FBN3: variants seen among roughly 807,000 people sequenced by gnomAD.
The protein encoded by FBN3 is fibrillin-3.
A neutral mutation model predicts 330.1 loss-of-function variants in FBN3; 234 were observed. The observed-to-expected ratio is 0.71, with a 90% CI of 0.64 to 0.79. The LOEUF (loss-of-function observed/expected upper bound fraction) is 0.79. Among genes scored for constraint, FBN3 ranks in the 30% least tolerant of loss-of-function variants. The pLI is 0.00. For missense variants in FBN3, 3,606 were observed against 3,886.9 expected, an observed-to-expected ratio of 0.93 and a Z score of 1.92; for synonymous variants, 1,458 against 1,517.3, an observed-to-expected ratio of 0.96 and a Z score of 0.91.
At chr19:8,102,052 C>T (rs8104354) in intron 40 of FBN3, among the ~76,000 whole-genome samples, 38,787 of 151,886 alleles carry the variant, frequency 0.26, 5,603 homozygotes, top group East Asian at 0.5. Flanking sequence ...GAATAAATCT[C>T]GTGAGATCTG....
In FBN3 at chr19:8,085,457, G is replaced by C; in HGVS notation, c.6993C>G (p.Gly2331=). The change falls in exon 56 of 64, where the codon GGC becomes GGG. Residue 2331 remains glycine, a synonymous_variant. Coordinates refer to ENST00000600128, the MANE Select transcript of FBN3 (RefSeq NM_032447.5). ...RAECCCGGGR[G]WGPRCELCPL... ...GACAGAGCTCGCAGCGGGGCCCCCAGCCCCGGCCACCCCCACAGCAGCACT... is the reference window on the plus strand; with the variant it reads ...GACAGAGCTCGCAGCGGGGCCCCCACCCCCGGCCACCCCCACAGCAGCACT... The C allele has an allele frequency of 6.3e-7, 1 of 1,577,944 alleles. No homozygotes were observed. The highest frequency in any genetic ancestry group is 8.6e-7 in the Non-Finnish European group (1 of 1,163,112).
At chr19:8,078,983 G>A (rs559061802) in intron 59 of FBN3, among the ~76,000 whole-genome samples, 141 of 152,088 alleles carry the variant, frequency 9.3e-4, no homozygotes, top group African/African-American at 3.3e-3. Context: ...GTCTTGCCAT[G>A]TTGCCTGGGC....
intron 22 of FBN3, 84 bp from the exon 23 acceptor site, chr19:8,124,092 C>A (rs77056685): frequency 8.3e-7 from 1 of 1,197,956 alleles, no homozygotes; most frequent in Non-Finnish European, 1.2e-6. Flanking sequence ...TCACTCCCAT[C>A]GGAAACTTTC....
rs2082207820 is a variant in FBN3 at position 8,096,341 on chromosome 19, C to T, written c.5539+103G>A. Reference sequence around the variant, plus strand: ...TTAATCTCAGGACCCAAACTTGGATCTCTTTGTGAACTAGGATGGACAGAA... The same window carrying T: ...TTAATCTCAGGACCCAAACTTGGATTTCTTTGTGAACTAGGATGGACAGAA... On this transcript the variant is annotated intron_variant, in intron 44 of 63. Coordinates refer to ENST00000600128, the MANE Select transcript of FBN3 (RefSeq NM_032447.5). This position sits in a 1 kb window ranked among gnomAD's most constrained non-coding sequence, Gnocchi z 4.6. 2 of 1,410,126 alleles carry T rather than the reference C, an allele frequency of 1.4e-6. No individual in the cohort carries two copies. The highest frequency in any genetic ancestry group is 1.9e-6 in the Non-Finnish European group (2 of 1,046,480). The allele number at this position is 1,410,126 out of a possible 1,614,324, so 87.4% of individuals were successfully genotyped here.
chr19:8,107,161 GTAGA>G (rs145906232), intron 37 of FBN3, among the ~76,000 whole-genome samples: 11,470 of 147,144 alleles, frequency 0.078, 580 homozygotes, highest in Middle Eastern at 0.12. Context: ...GGATGAATGG[GTAGA>G]TAAAGGATAG....
chr19:8,067,123 C>CTTTTTTT (rs997965759), intron 63 of FBN3, among the ~76,000 whole-genome samples: 1 of 147,424 alleles, frequency 6.8e-6, no homozygotes, highest in African/African-American at 2.5e-5. Context: ...GTTTCTTCTT[C>CTTTTTTT]TTTTTCTTTT....
intron 5 of FBN3, 110 bp downstream of exon 5, chr19:8,145,733 C>T: frequency 1.4e-6 from 1 of 714,058 alleles, no homozygotes; most frequent in Non-Finnish European, 2.3e-6. Context: ...CCTGCAATCT[C>T]CAGTCCAGGA....
intron 32 of FBN3, among the ~76,000 whole-genome samples, 163 bp downstream of exon 32, chr19:8,111,485 G>C (rs528992684): frequency 1.3e-5 from 2 of 152,228 alleles, no homozygotes; most frequent in East Asian, 1.9e-4. Flanking sequence ...CCGTGGGCAG[G>C]CCGCAGCACC....
At position 8,119,107 on chromosome 19, in the gene FBN3, G is replaced by A. The variant is rs368667981; in HGVS notation, c.3212-85C>T. 2.1e-4 allele frequency: 307 copies of A among 1,449,896 alleles called. 1 individual carries two copies. The highest frequency in any genetic ancestry group is 4.0e-4 in the South Asian group (30 of 75,428). 89.8% of individuals were successfully genotyped at this position (1,449,896 alleles called of 1,614,324 possible). A position where few individuals can be genotyped will look rare whatever the true frequency, so the allele number is the denominator to read the frequency against. ...ATGAGGCTCATGCTGGCTTCTCTCC[G>A]CCACCTCCCCAGCCCCCTTCACCCC... is the stretch of plus-strand genomic sequence containing the variant. On this transcript the variant is annotated intron_variant, in intron 25 of 63. Transcript: ENST00000600128.
chr19:8,081,288 C>T, intron 58 of FBN3, 70 bp downstream of exon 58: 1 of 1,546,800 alleles, frequency 6.5e-7, no homozygotes, highest in Non-Finnish European at 8.7e-7. Flanking sequence ...GGGGACATGT[C>T]TTGGGCATCC....
At chr19:8,100,528 C>T (rs758315801) in intron 41 of FBN3, among the ~76,000 whole-genome samples, 2 of 151,906 alleles carry the variant, frequency 1.3e-5, no homozygotes, top group East Asian at 1.9e-4. Context: ...AGTAGAGACA[C>T]GGTTTCACCA....
Position 8,096,881 on chromosome 19 carries a change from C to A in FBN3, c.5413G>T (p.Gly1805Ter). 10 of 1,612,910 alleles carry A rather than the reference C, an allele frequency of 6.2e-6. No homozygotes were observed. The highest frequency in any genetic ancestry group is 8.5e-6 in the Non-Finnish European group (10 of 1,179,950). Residue 1805 changes from glycine (G) to a stop codon, truncating the protein, a stop_gained and splice_region_variant, in exon 43 of 64, where the codon GGA becomes TGA. Coordinates refer to ENST00000600128, the MANE Select transcript of FBN3 (RefSeq NM_032447.5). LOFTEE classifies it high-confidence loss of function. This position sits in a 1 kb window ranked among gnomAD's most constrained non-coding sequence, Gnocchi z 4.6. Reference protein sequence around the residue: ...YKLSPGGACVGRNECREIPNV... With the variant: ...YKLSPGGACV ...ACCTCCTCCCAGGGACCCTGCTCAC[C>A]CACACAAGCCCCGCCTGGCGACAGT...
In FBN3 at chr19:8,117,171, G is replaced by T; in HGVS notation, c.3584C>A (p.Ala1195Glu). 1 of 1,614,020 alleles carries T rather than the reference G, an allele frequency of 6.2e-7. No individual in the cohort carries two copies. The highest frequency in any genetic ancestry group is 1.3e-5 in the African/African-American group (1 of 75,028). Residue 1195 changes from alanine to glutamate, a missense_variant and splice_region_variant, in exon 28 of 64, where the codon GCA becomes GAA. Coordinates refer to ENST00000600128, the MANE Select transcript of FBN3 (RefSeq NM_032447.5). ...GGGAAGAAGTTGTGCCCACCTACCT[G>T]CACATGCCCTTCCGTCGGGCATCAG... ...YSLMPDGRAC[A>E]DVDECEENPR...
At chr19:8,141,511 C>T (rs74991001) in intron 8 of FBN3, among the ~76,000 whole-genome samples, 3 of 152,110 alleles carry the variant, frequency 2.0e-5, no homozygotes, top group Non-Finnish European at 2.9e-5. Context: ...CAGGTGCACA[C>T]GTAGCTCCCG....
chr19:8,143,243 G>A (rs966775972), intron 6 of FBN3, among the ~76,000 whole-genome samples: 4 of 152,058 alleles, frequency 2.6e-5, no homozygotes, highest in African/African-American at 9.7e-5. Context: ...CCCATGGATG[G>A]GGCAGCCCAC....
intron 53 of FBN3, 36 bp from the exon 54 acceptor site, chr19:8,087,247 CA>C: frequency 6.5e-7 from 1 of 1,540,890 alleles, no homozygotes; most frequent in Non-Finnish European, 8.7e-7. Flanking sequence ...CAGTCAAGGC[CA>C]GGCACCCTAT....
intron 24 of FBN3, among the ~76,000 whole-genome samples, 159 bp downstream of exon 24, chr19:8,123,305 G>A (rs2082897451): frequency 6.6e-6 from 1 of 151,836 alleles, no homozygotes; most frequent in South Asian, 2.1e-4. Flanking sequence ...AGTGAGCCGA[G>A]ATCGTGCCAT....
chr19:8,149,134 G>A lies in FBN3; in HGVS notation c.-18+315C>T, dbSNP rs1327355629. On this transcript the variant is annotated intron_variant, in intron 1 of 63. Transcript: ENST00000600128. The surrounding 1 kb of genome is among the most constrained non-coding windows in gnomAD (Gnocchi z 5.5). ...CAAGCTTCGCCGACGGGGAGGGGGC[G>A]CCCCCGGAGCCCGCGGGGCGCGATC... 6.6e-6 allele frequency among the ~76,000 whole-genome samples: 1 copy of A among 151,846 alleles called. No homozygotes were observed. Among genetic ancestry groups the A allele is most frequent in the Non-Finnish European group, 1.5e-5 (1 of 67,900 alleles).
Position 8,087,598 on chromosome 19 carries a change from A to ATTT in FBN3, c.6619+224_6619+226dup, listed in dbSNP as rs35631767. Among the ~76,000 whole-genome samples the ATTT allele has an allele frequency of 7.2e-3, 545 of 75,438 alleles. 2 individuals are homozygous for ATTT. Among genetic ancestry groups the ATTT allele is most frequent in the East Asian group, 0.011 (28 of 2,558 alleles). The allele number at this position is 75,438 out of a possible 152,430, so 49.5% of individuals were successfully genotyped here. A position where few individuals can be genotyped will look rare whatever the true frequency, so the allele number is the denominator to read the frequency against. ...GCGGCTGTTCTGTGTGCATTGCAGG[A>ATTT]TTTTTTTTTTTTTTTTTTTTTTTTT... On this transcript the variant is annotated intron_variant, in intron 53 of 63. Transcript: ENST00000600128.
Sources: gnomAD v4.1 joint callset for allele counts (sites outside exome capture counted in the v4.1 genomes callset) on GRCh38, gnomAD v4.1.1 for gene constraint, Gnocchi (gnomAD v3.1) non-coding constraint, MANE v1.5 for transcripts, NCBI Gene and HGNC (gene_info 2026-07-23, HGNC 2026-07-21) for gene names.